The following MICU1 variants were observed in gnomAD, a reference collection of about 807,000 sequenced individuals.
MICU1 encodes mitochondrial calcium uptake 1.
A neutral mutation model predicts 56.8 loss-of-function variants in MICU1; 45 were observed. The observed-to-expected ratio is 0.79, with a 90% confidence interval of 0.62 to 1.02. The LOEUF (loss-of-function observed/expected upper bound fraction) is 1.02, where lower values mean the gene tolerates loss of function less well. MICU1 is among the 50% of genes least tolerant of loss of function. The pLI, the probability that MICU1 is intolerant of heterozygous loss-of-function variation, is 0.00. For missense variants in MICU1, 504 were observed against 587.1 expected (o/e 0.86, Z 1.46); for synonymous variants, 186 against 195.1 (o/e 0.95, Z 0.39).
chr10:72,561,023 T>C (rs145967348), intron 3 of MICU1, among the ~76,000 whole-genome samples: 1 of 151,550 alleles, frequency 6.6e-6, no homozygotes, highest in African/African-American at 2.4e-5. Context: ...ACAGAATAAG[T>C]GTTGAAATAG....
chr10:72,605,581 T>G (rs750224468), intron 1 of MICU1, among the ~76,000 whole-genome samples: 2 of 152,152 alleles, frequency 1.3e-5, no homozygotes, highest in Non-Finnish European at 2.9e-5. Flanking sequence ...GTTTGCCCTG[T>G]GATAGTTTGA....
intron 8 of MICU1, among the ~76,000 whole-genome samples, chr10:72,467,077 C>T (rs1200849832): frequency 3.9e-5 from 6 of 152,070 alleles, no homozygotes; most frequent in East Asian, 1.9e-4. Context: ...TGTCTCACTC[C>T]GACCTCCACC....
chr10:72,435,897 T>C (rs1864698947), intron 8 of MICU1, among the ~76,000 whole-genome samples: 1 of 152,210 alleles, frequency 6.6e-6, no homozygotes, highest in Non-Finnish European at 1.5e-5. Context: ...AAGCTTGAAC[T>C]GGGCGAAGCC....
At chr10:72,430,280 A>AT (rs1864483404) in intron 8 of MICU1, among the ~76,000 whole-genome samples, 1 of 152,102 alleles carries the variant, frequency 6.6e-6, no homozygotes, top group Admixed American at 6.5e-5. Context: ...AGGCTGTTTC[A>AT]TTTTTTGTCT....
intron 8 of MICU1, among the ~76,000 whole-genome samples, chr10:72,437,501 T>A (rs1363351570): frequency 1.3e-5 from 2 of 152,170 alleles, no homozygotes; most frequent in Non-Finnish European, 2.9e-5. Context: ...ATAGGCAAAA[T>A]AACCAGTGAA....
chr10:72,551,288 G>C lies in MICU1; in HGVS notation c.384C>G (p.Phe128Leu), dbSNP rs193101399. 1,328 of 1,613,400 alleles carry C rather than the reference G, an allele frequency of 8.2e-4. No individual in the cohort carries two copies. Among genetic ancestry groups the C allele is most frequent in the Non-Finnish European group, 1.1e-3 (1,252 of 1,179,618 alleles). ...TGACTTTCAAGGTGGCAAAATATCGGAAGATTTTGTCTGGCGTGGAGTAGG... is the reference window on the plus strand; with the variant it reads ...TGACTTTCAAGGTGGCAAAATATCGCAAGATTTTGTCTGGCGTGGAGTAGG... ...IRAYSTPDKI[F>L]RYFATLKVIS... Residue 128 changes from phenylalanine to leucine, a missense_variant, in exon 4 of 12, where the codon TTC (phenylalanine) becomes TTG (leucine). Physicochemically the swap from Phe to Leu is conservative, Grantham distance 22. Coordinates refer to ENST00000361114, the MANE Select transcript of MICU1 (RefSeq NM_001195518.2).
chr10:72,462,469 T>C (rs904238876), intron 8 of MICU1, among the ~76,000 whole-genome samples: 3 of 152,228 alleles, frequency 2.0e-5, no homozygotes, highest in Non-Finnish European at 4.4e-5. Flanking sequence ...CAGGAAGTGC[T>C]AGCTAGTATT....
chr10:72,528,366 T>C (rs931737293), intron 5 of MICU1, among the ~76,000 whole-genome samples: 2 of 152,142 alleles, frequency 1.3e-5, no homozygotes, highest in South Asian at 2.1e-4. Flanking sequence ...ACTTTAAAAA[T>C]GGGATAGGGC....
At chr10:72,506,610 A>T (rs1261053411) in intron 6 of MICU1, among the ~76,000 whole-genome samples, 6 of 152,182 alleles carry the variant, frequency 3.9e-5, no homozygotes, top group Non-Finnish European at 7.3e-5. Flanking sequence ...ATAAAAACCA[A>T]GACAGATTTC....
chr10:72,572,479 G>A (rs893850606), intron 1 of MICU1, among the ~76,000 whole-genome samples: 2 of 151,926 alleles, frequency 1.3e-5, no homozygotes, highest in Non-Finnish European at 2.9e-5. Context: ...AGAAAAACCT[G>A]TTTAATAACT....
chr10:72,456,946 G>GGTGTGTGTGTGTGTGTGTGTGT (rs71018292), intron 8 of MICU1, among the ~76,000 whole-genome samples: 2 of 117,698 alleles, frequency 1.7e-5, no homozygotes, highest in African/African-American at 6.4e-5. Context: ...ATATTGCCCA[G>GGTGTGTGTGTGTGTGTGTGTGT]GTGTGTGTGT....
chr10:72,441,618 T>TTC (rs1487504698), intron 8 of MICU1, among the ~76,000 whole-genome samples: 11 of 138,952 alleles, frequency 7.9e-5, no homozygotes, highest in African/African-American at 2.4e-4. Flanking sequence ...AATTTTTCTT[T>TTC]TTTTTTTTTT....
At chr10:72,600,258 C>G (rs1841489343) in intron 1 of MICU1, among the ~76,000 whole-genome samples, 1 of 148,834 alleles carries the variant, frequency 6.7e-6, no homozygotes, top group East Asian at 2.0e-4. Flanking sequence ...TGCCATTGCA[C>G]TCCAGCCTGG....
intron 4 of MICU1, among the ~76,000 whole-genome samples, chr10:72,535,651 G>T (rs2132414689): frequency 6.6e-6 from 1 of 152,038 alleles, no homozygotes; most frequent in Middle Eastern, 3.4e-3. Context: ...GAATACCAAG[G>T]ATAAAAAAAT....
At chr10:72,559,118 T>G (rs1840229321) in intron 3 of MICU1, among the ~76,000 whole-genome samples, 1 of 152,012 alleles carries the variant, frequency 6.6e-6, no homozygotes, top group Non-Finnish European at 1.5e-5. Context: ...AATCTGTGAG[T>G]GCAAGGCTGC....
intron 1 of MICU1, 78 bp from the exon 2 acceptor site, chr10:72,566,872 C>A: frequency 8.2e-7 from 1 of 1,224,328 alleles, no homozygotes; most frequent in Non-Finnish European, 1.1e-6. Context: ...ACCAACATTT[C>A]TAATAAACAC....
At chr10:72,480,917 C>T (rs1045157549) in intron 6 of MICU1, among the ~76,000 whole-genome samples, 2 of 152,232 alleles carry the variant, frequency 1.3e-5, no homozygotes, top group Admixed American at 6.5e-5. Context: ...AAAGTATACC[C>T]TGTAATGCTT....
At chr10:72,554,444 G>C (rs1161940042) in intron 3 of MICU1, among the ~76,000 whole-genome samples, 1 of 152,180 alleles carries the variant, frequency 6.6e-6, no homozygotes, top group Non-Finnish European at 1.5e-5. Flanking sequence ...AGGTAATATA[G>C]AGAAAAGAGA....
At position 72,508,265 on chromosome 10, in the gene MICU1, A is replaced by G. The variant is rs748992204; in HGVS notation, c.542T>C (p.Ile181Thr). Residue 181 changes from isoleucine (I) to threonine (T), a missense_variant, in exon 6 of 12, where the codon ATT becomes ACT. By Grantham distance (89) the Ile-to-Thr change is moderately conservative. Coordinates refer to ENST00000361114, the MANE Select transcript of MICU1 (RefSeq NM_001195518.2). Reference sequence around the variant, plus strand: ...AGCAAATTTTTCTCGTTCCTGGGAAATTTTCTATAGAATGTATGGGTCCCA... The same window carrying G: ...AGCAAATTTTTCTCGTTCCTGGGAAGTTTTCTATAGAATGTATGGGTCCCA... ...YIIKRFDGKK[I>T]SQEREKFADE... 1 of 1,489,294 alleles carries G rather than the reference A, an allele frequency of 6.7e-7. No homozygotes were observed. The highest frequency in any genetic ancestry group is 9.1e-7 in the Non-Finnish European group (1 of 1,096,616). The allele number at this position is 1,489,294 out of a possible 1,614,324, so 92.3% of individuals were successfully genotyped here. A position where few individuals can be genotyped will look rare whatever the true frequency, so the allele number is the denominator to read the frequency against.
Sources: allele counts gnomAD v4.1 joint callset (sites outside exome capture counted in the v4.1 genomes callset), GRCh38; gene constraint gnomAD v4.1.1; transcripts MANE v1.5; gene names NCBI Gene and HGNC (gene_info 2026-07-23, HGNC 2026-07-21).